The following MEF2A variants were observed in gnomAD, a reference collection of about 807,000 sequenced individuals.
MEF2A encodes myocyte-specific enhancer factor 2A.
Under a neutral mutation model 55.8 loss-of-function variants are expected in MEF2A, and 28 were observed. The ratio of observed to expected loss-of-function variants is 0.50; its 90% CI spans 0.37 to 0.69. MEF2A has a LOEUF of 0.69. Ranked by LOEUF, MEF2A falls within the 30% of genes least tolerant of loss-of-function variation. The probability of loss-of-function intolerance (pLI) is 0.00; values close to 1 mark genes in which losing one functional copy is unlikely to be tolerated. For missense variants in MEF2A, 528 were observed against 626.2 expected, an observed-to-expected ratio of 0.84 and a Z score of 1.67; for synonymous variants, 239 against 227.1, an observed-to-expected ratio of 1.05 and a Z score of -0.47.
At chr15:99,654,586 G>GA (rs1302078860) in intron 4 of MEF2A, among the ~76,000 whole-genome samples, 3 of 151,062 alleles carry the variant, frequency 2.0e-5, no homozygotes. Flanking sequence ...AAAAAAGGGG[G>GA]GGGTATTGGT....
rs1208203712 is a variant in MEF2A, at chr15:99,712,293, CTG to C, written c.1137-96_1137-95del. On this transcript the variant is annotated intron_variant, in intron 11 of 11. Transcript: ENST00000557942. This position sits in a 1 kb window ranked among gnomAD's most constrained non-coding sequence, Gnocchi z 4.1. Reference sequence around the variant, plus strand: ...GGGAACTCTGATAAGATTTCAGACTCTGGGCCCTTTTCCATCAGGCAGTGTCT... The same window carrying C: ...GGGAACTCTGATAAGATTTCAGACTCGGCCCTTTTCCATCAGGCAGTGTCT... The C allele has an allele frequency of 6.9e-7, 1 of 1,439,456 alleles. No homozygotes were observed. The highest frequency in any genetic ancestry group is 1.4e-5 in the African/African-American group (1 of 69,830). The allele number at this position is 1,439,456 out of a possible 1,614,324, so 89.2% of individuals were successfully genotyped here. A position where few individuals can be genotyped will look rare whatever the true frequency, so the allele number is the denominator to read the frequency against.
At position 99,695,541 on chromosome 15, in the gene MEF2A, TTG is replaced by T. The variant is rs3979129; in HGVS notation, c.858+5141_858+5142del. ...AGCGTCAGTTAAAAGATTGTCAGAT[TTG>T]TGTGTGTGTGTGTGTGTGTGTGTGT... On this transcript the variant is annotated intron_variant, in intron 8 of 11. Transcript: ENST00000557942. Among the ~76,000 whole-genome samples, 958 of 144,768 alleles carry T rather than the reference TTG, an allele frequency of 6.6e-3. 9 individuals carry two copies. The highest frequency in any genetic ancestry group is 0.031 in the South Asian group (134 of 4,378). The allele number at this position is 144,768 out of a possible 152,430, so 95.0% of individuals were successfully genotyped here. A position where few individuals can be genotyped will look rare whatever the true frequency, so the allele number is the denominator to read the frequency against.
At chr15:99,689,318 G>C (rs565501951) in intron 7 of MEF2A, among the ~76,000 whole-genome samples, 1 of 152,344 alleles carries the variant, frequency 6.6e-6, no homozygotes, top group Admixed American at 6.5e-5. Flanking sequence ...ATAAGCTGCA[G>C]TTAAGAAGCT....
chr15:99,610,349 G>A (rs1222918590), intron 2 of MEF2A, among the ~76,000 whole-genome samples: 1 of 146,602 alleles, frequency 6.8e-6, no homozygotes, highest in Non-Finnish European at 1.5e-5. Flanking sequence ...TAAGATTATA[G>A]TCATCCCAAA....
intron 2 of MEF2A, among the ~76,000 whole-genome samples, chr15:99,628,114 T>TC (rs1476299097): frequency 6.6e-6 from 1 of 152,246 alleles, no homozygotes; most frequent in Non-Finnish European, 1.5e-5. Flanking sequence ...GTAAGTGTTG[T>TC]TAGGTACACT....
chr15:99,642,092 C>A (rs190126084), intron 3 of MEF2A, among the ~76,000 whole-genome samples: 7 of 152,094 alleles, frequency 4.6e-5, no homozygotes, highest in African/African-American at 1.7e-4. Flanking sequence ...TGTTTATTGT[C>A]TTTATACTTG....
chr15:99,694,290 G>A (rs1010274511), intron 8 of MEF2A, among the ~76,000 whole-genome samples: 1 of 152,164 alleles, frequency 6.6e-6, no homozygotes, highest in Admixed American at 6.5e-5. Context: ...GTAGGCCATA[G>A]AATTAAGATG....
chr15:99,686,661 G>GATAA (rs1230846588), intron 7 of MEF2A, among the ~76,000 whole-genome samples: 2 of 152,070 alleles, frequency 1.3e-5, no homozygotes, highest in Non-Finnish European at 2.9e-5. Context: ...TCTTCCCTTT[G>GATAA]TCTTCACTTT....
At position 99,678,548 on chromosome 15, in the gene MEF2A, A is replaced by G. The variant is rs1205404646; in HGVS notation, c.670+3090A>G. ...ATTTTTACCAATATTGTCATTTTCA[A>G]ATACGTAATTTGTTTATAGGCGAGT... On this transcript the variant is annotated intron_variant, in intron 7 of 11. Transcript: ENST00000557942. The G allele has an allele frequency of 5.2e-6, 3 of 574,176 alleles. No individual in the cohort carries two copies. The African/African-American group carries it at 6.0e-5, about 12-fold the overall frequency. The allele number at this position is 574,176 out of a possible 1,614,324, so 35.6% of individuals were successfully genotyped here.
intron 6 of MEF2A, 88 bp from the exon 7 acceptor site, chr15:99,675,311 A>AT: frequency 9.0e-7 from 1 of 1,111,460 alleles, no homozygotes; most frequent in Admixed American, 1.7e-5. Context: ...AGTGAGAGTT[A>AT]TCTCTATTCA....
intron 4 of MEF2A, among the ~76,000 whole-genome samples, chr15:99,647,856 A>T (rs1266408741): frequency 6.6e-6 from 1 of 152,208 alleles, no homozygotes; most frequent in Non-Finnish European, 1.5e-5. Flanking sequence ...TGGTAGGATA[A>T]ATTACAAGGC....
intron 1 of MEF2A, among the ~76,000 whole-genome samples, chr15:99,574,154 T>C (rs1272506819): frequency 1.3e-5 from 2 of 152,216 alleles, no homozygotes; most frequent in African/African-American, 4.8e-5. Context: ...GTTGTTACCA[T>C]GTACCACATT....
intron 2 of MEF2A, among the ~76,000 whole-genome samples, chr15:99,615,848 A>G (rs1167161426): frequency 6.6e-6 from 1 of 152,224 alleles, no homozygotes; most frequent in Non-Finnish European, 1.5e-5. Flanking sequence ...TTACATCAAC[A>G]TTCACATGGC....
chr15:99,568,801 C>G (rs1960836153), intron 1 of MEF2A, among the ~76,000 whole-genome samples: 1 of 152,158 alleles, frequency 6.6e-6, no homozygotes, highest in Non-Finnish European at 1.5e-5. Flanking sequence ...TTCACATATT[C>G]TGTGTTGTCA....
chr15:99,706,865 C>T lies in MEF2A; in HGVS notation c.1009+10C>T. 1.2e-6 allele frequency: 2 copies of T among 1,612,520 alleles called. No homozygotes were observed. The highest frequency in any genetic ancestry group is 2.2e-5 in the South Asian group (2 of 90,928). Reference sequence around the variant, plus strand: ...ACTGCCTACAACACTGGTGAGCCTGCTCTGGTGCCTTCCGTAGGTTTTACC... The same window carrying T: ...ACTGCCTACAACACTGGTGAGCCTGTTCTGGTGCCTTCCGTAGGTTTTACC... On this transcript the variant is annotated intron_variant, in intron 10 of 11. Transcript: ENST00000557942.
At chr15:99,567,452 T>C (rs181168876) in intron 1 of MEF2A, among the ~76,000 whole-genome samples, 1 of 152,358 alleles carries the variant, frequency 6.6e-6, no homozygotes, top group African/African-American at 2.4e-5. Flanking sequence ...AACTGCTAAG[T>C]ACTCTAGTTG....
intron 4 of MEF2A, among the ~76,000 whole-genome samples, chr15:99,670,099 G>C (rs1567386270): frequency 1.3e-5 from 2 of 152,000 alleles, no homozygotes; most frequent in East Asian, 3.8e-4. Flanking sequence ...TTTTAAAAAA[G>C]AAGAAAGAAA....
chr15:99,661,530 G>T (rs1223760401), intron 4 of MEF2A, among the ~76,000 whole-genome samples: 1 of 150,230 alleles, frequency 6.7e-6, no homozygotes, highest in Non-Finnish European at 1.5e-5. Context: ...ATAATTAAAA[G>T]AACTACTATA....
chr15:99,567,093 A>G (rs1449404043), intron 1 of MEF2A, among the ~76,000 whole-genome samples: 1 of 152,262 alleles, frequency 6.6e-6, no homozygotes, highest in African/African-American at 2.4e-5. Context: ...ATTGTTGCTC[A>G]CATCCGAAAT....
Sources: gnomAD v4.1 joint callset for allele counts (sites outside exome capture counted in the v4.1 genomes callset) on GRCh38, gnomAD v4.1.1 for gene constraint, Gnocchi (gnomAD v3.1) non-coding constraint, MANE v1.5 for transcripts, NCBI Gene and HGNC (gene_info 2026-07-23, HGNC 2026-07-21) for gene names.